ENOX1: variants seen among roughly 807,000 people sequenced by gnomAD.
ENOX1 encodes the protein ecto-NOX disulfide-thiol exchanger 1, also known as candidate growth-related and time keeping constitutive hydroquinone (NADH) oxidase.
Under a neutral mutation model 82.5 loss-of-function variants are expected in ENOX1, and 42 were observed. The observed-to-expected ratio is 0.51, with a 90% CI of 0.40 to 0.66. The LOEUF (loss-of-function observed/expected upper bound fraction) is 0.66, where lower values mean the gene tolerates loss of function less well. Among genes scored for constraint, ENOX1 ranks in the 30% least tolerant of loss-of-function variants. The pLI is 0.00. For synonymous variants in ENOX1, 271 were observed against 282.2 expected (o/e 0.96, Z 0.40); for missense variants, 608 against 811.6 (o/e 0.75, Z 3.05).
chr13:43,292,007 C>T (rs1165275304), intron 12 of ENOX1, among the ~76,000 whole-genome samples: 1 of 152,148 alleles, frequency 6.6e-6, no homozygotes, highest in Non-Finnish European at 1.5e-5. Context: ...CACAGAGCTT[C>T]ACAGAAAAGC....
chr13:43,361,241 TTTAAAATGAGCAAATA>T, intron 6 of ENOX1, 22 bp downstream of exon 6: 1 of 1,597,508 alleles, frequency 6.3e-7, no homozygotes, highest in South Asian at 1.1e-5. Context: ...AAGAAAAACA[TTTAAAATGAGCAAATA>T]TTTCTCATAG....
At chr13:43,762,733 T>C (rs906610227) in intron 1 of ENOX1, among the ~76,000 whole-genome samples, 1 of 152,240 alleles carries the variant, frequency 6.6e-6, no homozygotes, top group African/African-American at 2.4e-5. Flanking sequence ...TACTTCTTAC[T>C]ATTGACAATG....
chr13:43,325,603 T>C (rs2048066010), intron 10 of ENOX1, among the ~76,000 whole-genome samples: 1 of 152,100 alleles, frequency 6.6e-6, no homozygotes, highest in Non-Finnish European at 1.5e-5. Context: ...TTCCATAAGT[T>C]TGGGATTTTG....
At chr13:43,662,153 T>C (rs1368005276) in intron 2 of ENOX1, among the ~76,000 whole-genome samples, 2 of 152,186 alleles carry the variant, frequency 1.3e-5, no homozygotes, top group Non-Finnish European at 2.9e-5. Flanking sequence ...TTACTTTAAT[T>C]CCATTATTCC....
At chr13:43,777,654 T>C (rs1242020747) in intron 1 of ENOX1, among the ~76,000 whole-genome samples, 1 of 151,980 alleles carries the variant, frequency 6.6e-6, no homozygotes, top group African/African-American at 2.4e-5. Flanking sequence ...GTGATTCTCT[T>C]GCCTCAGCCC....
chr13:43,737,937 T>C (rs1013547237), intron 1 of ENOX1, among the ~76,000 whole-genome samples: 1 of 152,236 alleles, frequency 6.6e-6, no homozygotes, highest in Non-Finnish European at 1.5e-5. Flanking sequence ...TCAGCCTTAC[T>C]GAAATAATTT....
At chr13:43,214,247 G>T in intron 16 of ENOX1, 126 bp from the exon 17 acceptor site, 1 of 924,826 alleles carries the variant, frequency 1.1e-6, no homozygotes, top group Non-Finnish European at 1.6e-6. Context: ...CTGTCAGGGG[G>T]ATGTCCTTAT....
chr13:43,690,771 G>A (rs1043403044), intron 1 of ENOX1, among the ~76,000 whole-genome samples: 1 of 152,136 alleles, frequency 6.6e-6, no homozygotes, highest in Non-Finnish European at 1.5e-5. Flanking sequence ...AATATCATCT[G>A]CAAAGCACAT....
chr13:43,467,475 C>T (rs1018795169), intron 3 of ENOX1, among the ~76,000 whole-genome samples: 5 of 151,800 alleles, frequency 3.3e-5, no homozygotes, highest in East Asian at 1.9e-4. Context: ...TGCTTATTGG[C>T]CATTTATAGT....
chr13:43,684,095 C>CAAAAAAAAAAACAA (rs2085941576), intron 1 of ENOX1, among the ~76,000 whole-genome samples: 1 of 106,472 alleles, frequency 9.4e-6, no homozygotes, highest in Non-Finnish European at 1.8e-5. Flanking sequence ...GACTCTGTCT[C>CAAAAAAAAAAACAA]AAAAAAAAAA....
intron 1 of ENOX1, among the ~76,000 whole-genome samples, chr13:43,710,321 A>G (rs142966593): frequency 1.3e-5 from 2 of 152,280 alleles, no homozygotes; most frequent in Admixed American, 1.3e-4. Flanking sequence ...AAACATATGA[A>G]AGTAATCCAT....
chr13:43,370,623 G>T (rs7329258), intron 5 of ENOX1, among the ~76,000 whole-genome samples: 83,625 of 151,818 alleles, frequency 0.55, 23,255 homozygotes, highest in Middle Eastern at 0.62. Context: ...TGGGCATCTG[G>T]CCTACTCTAC....
intron 11 of ENOX1, among the ~76,000 whole-genome samples, chr13:43,300,711 C>T (rs942205442): frequency 3.9e-5 from 6 of 152,068 alleles, no homozygotes; most frequent in African/African-American, 9.7e-5. Flanking sequence ...CCACTGACAG[C>T]GCTTGGAGTA....
chr13:43,623,365 C>G (rs1442928881), intron 2 of ENOX1, among the ~76,000 whole-genome samples: 1 of 152,130 alleles, frequency 6.6e-6, no homozygotes, highest in Non-Finnish European at 1.5e-5. Context: ...CCTGTTGGAT[C>G]CCCATGGTGC....
At chr13:43,339,950 T>G (rs2048959289) in intron 9 of ENOX1, among the ~76,000 whole-genome samples, 1 of 152,160 alleles carries the variant, frequency 6.6e-6, no homozygotes, top group Non-Finnish European at 1.5e-5. Context: ...ACTGAGGACT[T>G]TAGCAGTTAT....
At chr13:43,341,417 A>T (rs746153752) in intron 9 of ENOX1, among the ~76,000 whole-genome samples, 2 of 152,154 alleles carry the variant, frequency 1.3e-5, no homozygotes, top group Non-Finnish European at 2.9e-5. Flanking sequence ...AGTCAAGCAC[A>T]CAGAGTATGG....
At chr13:43,523,737 T>C (rs77145083) in intron 2 of ENOX1, among the ~76,000 whole-genome samples, 5,128 of 152,156 alleles carry the variant, frequency 0.034, 298 homozygotes, top group African/African-American at 0.12. Flanking sequence ...TGCTAGAAGA[T>C]AATAGAATGA....
rs549495840 is a variant in ENOX1 at position 43,517,369 on chromosome 13, G to T, written c.-218-33217C>A. On this transcript the variant is annotated intron_variant, in intron 2 of 16. Transcript: ENST00000690772. The stretch of plus-strand genomic sequence containing the variant: ...AAAAATTAGCTGGGCGTGGTGGTAG[G>T]TGCCTGTAACCCCAGCTATTTGGGA... 2.0e-5 allele frequency among the ~76,000 whole-genome samples: 3 copies of T among 152,152 alleles called. No homozygotes were observed. In the South Asian group the frequency reaches 6.2e-4, roughly 32 times the overall value.
chr13:43,595,493 G>A (rs1216470667), intron 2 of ENOX1, among the ~76,000 whole-genome samples: 16 of 152,052 alleles, frequency 1.1e-4, no homozygotes, highest in South Asian at 2.1e-4. Flanking sequence ...CTTTATGTTC[G>A]TTGTTCTCCA....
Sources: gnomAD v4.1 joint callset for allele counts (sites outside exome capture counted in the v4.1 genomes callset) on GRCh38, gnomAD v4.1.1 for gene constraint, MANE v1.5 for transcripts, NCBI Gene and HGNC (gene_info 2026-07-23, HGNC 2026-07-21) for gene names.